The following AGRN variants were observed in gnomAD, a reference collection of about 807,000 sequenced individuals.
AGRN encodes the protein agrin, also known as agrin proteoglycan.
A neutral mutation model predicts 211.0 loss-of-function variants in AGRN; 106 were observed. The observed-to-expected ratio is 0.50, with a 90% CI of 0.43 to 0.59. The LOEUF (loss-of-function observed/expected upper bound fraction) is 0.59. AGRN is among the 20% of genes least tolerant of loss of function. The probability of loss-of-function intolerance (pLI) is 0.00; values close to 1 mark genes in which losing one functional copy is unlikely to be tolerated. For synonymous variants in AGRN, 1,525 were observed against 1,332.5 expected, an observed-to-expected ratio of 1.14 and a Z score of -3.15; for missense variants, 3,040 against 2,982.6, an observed-to-expected ratio of 1.02 and a Z score of -0.45.
chr1:1,025,431 G>C (rs1570141078), intron 2 of AGRN, among the ~76,000 whole-genome samples: 1 of 152,186 alleles, frequency 6.6e-6, no homozygotes, highest in African/African-American at 2.4e-5. Flanking sequence ...GACAGCCCCA[G>C]ACCAGGCTCC....
In AGRN at chr1:1,051,495, C is replaced by A; in HGVS notation, c.5413C>A (p.Leu1805Met). 1 of 1,569,322 alleles carries A rather than the reference C, an allele frequency of 6.4e-7. No homozygotes were observed. The highest frequency in any genetic ancestry group is 8.6e-7 in the Non-Finnish European group (1 of 1,160,780). ...CCAGCTGCTGACCCCGGAGCACGTG[C>A]TGCGGCAGGTGGACGTCACGTCCTT... ...GRQLLTPEHV[L>M]RQVDVTSFAG... The change falls in exon 32 of 36, where the codon CTG (leucine) becomes ATG (methionine). Residue 1805 changes from leucine to methionine, a missense_variant. Coordinates refer to ENST00000379370, the MANE Select transcript of AGRN (RefSeq NM_198576.4).
At position 1,020,376 on chromosome 1, in the gene AGRN, G is replaced by A; in HGVS notation, c.201+3G>A. On this transcript the variant is annotated splice_donor_region_variant and intron_variant, in intron 1 of 35. Transcript: ENST00000379370. ...TGCAGCACACGTACTCCTGCAAGGT[G>A]CGCCCACCCGGACCCCGGCCTCCCC... 1 of 1,495,928 alleles carries A rather than the reference G, an allele frequency of 6.7e-7. No homozygotes were observed. Among genetic ancestry groups the A allele is most frequent in the East Asian group, 2.9e-5 (1 of 34,912 alleles). 92.7% of individuals were successfully genotyped at this position (1,495,928 alleles called of 1,614,324 possible). A position where few individuals can be genotyped will look rare whatever the true frequency, so the allele number is the denominator to read the frequency against.
At chr1:1,021,728 C>A (rs1644410940) in intron 1 of AGRN, among the ~76,000 whole-genome samples, 1 of 152,264 alleles carries the variant, frequency 6.6e-6, no homozygotes, top group Non-Finnish European at 1.5e-5. Context: ...AGTGCACAGA[C>A]TGTAGAAGCC....
chr1:1,021,420 G>A (rs1222455425), intron 1 of AGRN, among the ~76,000 whole-genome samples: 3 of 152,218 alleles, frequency 2.0e-5, no homozygotes, highest in African/African-American at 7.2e-5. Flanking sequence ...TGCGGATGCC[G>A]CAGTCCTGAG....
rs1244620062 is a variant in AGRN, at chr1:1,050,425, A to C, written c.4977-2A>C. ...AGACACCCCGACTCCCCATGACCCC[A>C]GGGAGAAGATGGCGCTGGAGGTCGT... On this transcript the variant is annotated splice_acceptor_variant, in intron 28 of 35. Coordinates refer to ENST00000379370, the MANE Select transcript of AGRN (RefSeq NM_198576.4). LOFTEE classifies it high-confidence loss of function. 1 of 1,612,864 alleles carries C rather than the reference A, an allele frequency of 6.2e-7. No individual in the cohort carries two copies. Among genetic ancestry groups the C allele is most frequent in the Admixed American group, 1.7e-5 (1 of 59,982 alleles).
Position 1,049,464 on chromosome 1 carries a change from GA to G in AGRN, c.4514+14del. ...ACCAGGCTGCCGTGTGAGTCCCTTG[GA>G]GGGTGGTGTGGCCCCGACCCCGGCC... is the stretch of plus-strand genomic sequence containing the variant. On this transcript the variant is annotated intron_variant, in intron 25 of 35. Coordinates refer to ENST00000379370, the MANE Select transcript of AGRN (RefSeq NM_198576.4). 1 of 1,600,484 alleles carries G rather than the reference GA, an allele frequency of 6.2e-7. No individual in the cohort carries two copies. Among genetic ancestry groups the G allele is most frequent in the Non-Finnish European group, 8.5e-7 (1 of 1,179,612 alleles).
At position 1,040,786 on chromosome 1, in the gene AGRN, G is replaced by A. The variant is rs1283207523; in HGVS notation, c.633G>A (p.Gly211=). The A allele has an allele frequency of 1.9e-6, 3 of 1,539,872 alleles. No homozygotes were observed. In the South Asian group the frequency reaches 3.6e-5, roughly 18 times the overall value. ...CCAGCGTGGTGGCGCCTGTGTGTGG[G>A]TCGGACGCCTCCACCTACAGCAACG... ...PCPSVVAPVC[G]SDASTYSNEC... Residue 211 remains glycine (G), a synonymous_variant, in exon 4 of 36, where the codon GGG becomes GGA. Coordinates refer to ENST00000379370, the MANE Select transcript of AGRN (RefSeq NM_198576.4).
intron 2 of AGRN, among the ~76,000 whole-genome samples, chr1:1,023,617 G>T (rs1251686221): frequency 6.6e-6 from 1 of 152,298 alleles, no homozygotes; most frequent in Non-Finnish European, 1.5e-5. Context: ...GCGAGGAGAG[G>T]TTCCTGTCCC....
rs75767981 is a variant in AGRN, at chr1:1,049,389, C to T, written c.4452C>T (p.Thr1484=). Residue 1484 remains threonine (T), a synonymous_variant, in exon 25 of 36, where the codon ACC becomes ACT. Coordinates refer to ENST00000379370, the MANE Select transcript of AGRN (RefSeq NM_198576.4). ...TPVLGESPSG[T]DGLNLDTDLF... ...TTCTGGGCGAGAGTCCCAGTGGCAC[C>T]GACGGCCTCAACCTGGACACAGACC... The T allele has an allele frequency of 1.9e-3, 3,045 of 1,598,830 alleles. 46 individuals are homozygous for T. The African/African-American group carries it at 0.035, about 18-fold the overall frequency.
chr1:1,038,233 G>A (rs966133323), intron 3 of AGRN, among the ~76,000 whole-genome samples: 1 of 152,212 alleles, frequency 6.6e-6, no homozygotes, highest in Admixed American at 6.5e-5. Flanking sequence ...CTGAGGCCCT[G>A]GAGGCAGAGG....
chr1:1,029,363 A>G (rs1299395030), intron 2 of AGRN, among the ~76,000 whole-genome samples: 2 of 35,326 alleles, frequency 5.7e-5, no homozygotes, highest in Non-Finnish European at 1.3e-4. Context: ...GGGATGCCCA[A>G]TATCTATGCA....
rs754523580 is a variant in AGRN at position 1,046,419 on chromosome 1, C to G, written c.2934C>G (p.His978Gln). Residue 978 changes from histidine (H) to glutamine (Q), a missense_variant, in exon 18 of 36, where the codon CAC (histidine) becomes CAG (glutamine). Physicochemically the swap from His to Gln is conservative, Grantham distance 24 (BLOSUM62 0). This residue lies in a region of AGRN where 1,498 missense variants were observed against 1,457.8 expected (regional missense o/e 1.03). Coordinates refer to ENST00000379370, the MANE Select transcript of AGRN (RefSeq NM_198576.4). ...PCQEAVAPSTHPTSASVTVTT... is the reference protein window; with the variant it reads ...PCQEAVAPSTQPTSASVTVTT... ...CAGAGGCTGTTGCTCCCAGCACTCA[C>G]CCGACATCTGCCTCCGTGACTGTGA... 1.2e-6 allele frequency: 2 copies of G among 1,612,454 alleles called. No individual in the cohort carries two copies. The highest frequency in any genetic ancestry group is 2.2e-5 in the East Asian group (1 of 44,860).
intron 7 of AGRN, among the ~76,000 whole-genome samples, chr1:1,042,913 G>A (rs1226399300): frequency 2.0e-5 from 3 of 152,036 alleles, no homozygotes; most frequent in Non-Finnish European, 4.4e-5. Context: ...GGGTGTCCTG[G>A]GGATGCTGGT....
chr1:1,048,598 C>G lies in AGRN; in HGVS notation c.4105+233C>G, dbSNP rs1038026770. 2.5e-5 allele frequency: 15 copies of G among 591,674 alleles called. No individual in the cohort carries two copies. In the East Asian group the frequency reaches 3.8e-4, roughly 15 times the overall value. 36.7% of individuals were successfully genotyped at this position (591,674 alleles called of 1,614,324 possible). ...CCAGCCTGACCAACATGGAGACACTCTGTCTCTACTAAAAATACAAAATTA... is the reference window on the plus strand; with the variant it reads ...CCAGCCTGACCAACATGGAGACACTGTGTCTCTACTAAAAATACAAAATTA... On this transcript the variant is annotated intron_variant, in intron 23 of 35. Coordinates refer to ENST00000379370, the MANE Select transcript of AGRN (RefSeq NM_198576.4). The surrounding 1 kb of genome is among the most constrained non-coding windows in gnomAD (Gnocchi z 5.9).
At chr1:1,026,396 G>C (rs1490223597) in intron 2 of AGRN, among the ~76,000 whole-genome samples, 1 of 152,206 alleles carries the variant, frequency 6.6e-6, no homozygotes, top group East Asian at 1.9e-4. Context: ...CAGAAGGCGG[G>C]ATGGGGCTGC....
At position 1,031,526 on chromosome 1, in the gene AGRN, TG is replaced by T. The variant is rs1029454591; in HGVS notation, c.464-3748del. Among the ~76,000 whole-genome samples the T allele has an allele frequency of 5.3e-5, 8 of 152,146 alleles. No individual in the cohort carries two copies. Among genetic ancestry groups the T allele is most frequent in the Non-Finnish European group, 1.2e-4 (8 of 67,988 alleles). On this transcript the variant is annotated intron_variant, in intron 2 of 35. Coordinates refer to ENST00000379370, the MANE Select transcript of AGRN (RefSeq NM_198576.4). The surrounding 1 kb of genome is among the most constrained non-coding windows in gnomAD (Gnocchi z 4.8). ...GGGGGGCTCAGACACTGACTGGGGC[TG>T]GGTGGGGCCAGGCTGCCTGCCTGGT...
At chr1:1,022,837 G>T (rs528898541) in intron 2 of AGRN, among the ~76,000 whole-genome samples, 33 of 152,388 alleles carry the variant, frequency 2.2e-4, no homozygotes, top group South Asian at 1.2e-3. Flanking sequence ...CCGTCTAGAC[G>T]GGCCCGCGTG....
intron 3 of AGRN, among the ~76,000 whole-genome samples, chr1:1,037,678 AG>A (rs1270491219): frequency 6.6e-6 from 1 of 152,004 alleles, no homozygotes; most frequent in East Asian, 1.9e-4. Flanking sequence ...TCGGGAACAC[AG>A]GGCTCTCAGG....
At chr1:1,051,972 G>T in intron 33 of AGRN, 157 bp downstream of exon 33, 1 of 1,546,958 alleles carries the variant, frequency 6.5e-7, no homozygotes, top group Non-Finnish European at 8.7e-7. Context: ...GCCTCTCACT[G>T]TCTGTCTCTT....
Sources: gnomAD v4.1 joint callset for allele counts (sites outside exome capture counted in the v4.1 genomes callset) on GRCh38, gnomAD v4.1.1 for gene constraint, gnomAD v4.1.1 regional missense constraint, Gnocchi (gnomAD v3.1) non-coding constraint, MANE v1.5 for transcripts, NCBI Gene and HGNC (gene_info 2026-07-23, HGNC 2026-07-21) for gene names.